Variants in WWOX observed in about 807,000 individuals in gnomAD.
WWOX encodes the protein WW domain-containing oxidoreductase.
A neutral mutation model predicts 46.2 loss-of-function variants in WWOX; 69 were observed. That is an observed-to-expected ratio of 1.49 (90% confidence interval 1.23 to 1.82). The LOEUF is 1.82. WWOX is among the 40% of genes most tolerant of loss of function. The pLI, the probability that WWOX is intolerant of heterozygous loss-of-function variation, is 0.00. For missense variants in WWOX, 919 were observed against 542.6 expected (o/e 1.69, Z -6.89); for synonymous variants, 359 against 202.6 (o/e 1.77, Z -6.56).
intron 8 of WWOX, among the ~76,000 whole-genome samples, chr16:79,007,708 C>T (rs896096576): frequency 2.6e-5 from 4 of 152,318 alleles, no homozygotes; most frequent in African/African-American, 9.6e-5. Context: ...AAGTGACTCA[C>T]CCGGTATCAT....
intron 8 of WWOX, among the ~76,000 whole-genome samples, chr16:79,067,671 G>C (rs2048468084): frequency 6.6e-6 from 1 of 151,938 alleles, no homozygotes; most frequent in South Asian, 2.1e-4. Flanking sequence ...TGCATATTAT[G>C]CTTTTGTGCA....
chr16:78,108,672 G>T (rs917640433), intron 2 of WWOX, among the ~76,000 whole-genome samples, 185 bp downstream of exon 2: 2 of 152,170 alleles, frequency 1.3e-5, no homozygotes, highest in Non-Finnish European at 2.9e-5. Context: ...GGTGGAGTGA[G>T]GATGATTTCT....
chr16:78,454,851 A>G (rs2083779101), intron 8 of WWOX, among the ~76,000 whole-genome samples: 1 of 152,116 alleles, frequency 6.6e-6, no homozygotes, highest in Admixed American at 6.5e-5. Context: ...TTTCAATACC[A>G]ACTGTTGCTT....
chr16:78,327,576 T>A (rs2080654055), intron 5 of WWOX, among the ~76,000 whole-genome samples: 2 of 152,118 alleles, frequency 1.3e-5, no homozygotes, highest in African/African-American at 4.8e-5. Context: ...GTATTAGGAT[T>A]CCCTTCACTC....
At chr16:78,712,454 A>G (rs529712826) in intron 8 of WWOX, among the ~76,000 whole-genome samples, 1 of 152,046 alleles carries the variant, frequency 6.6e-6, no homozygotes, top group East Asian at 1.9e-4. Flanking sequence ...GTCAGCCGAG[A>G]TTATACCACT....
intron 8 of WWOX, among the ~76,000 whole-genome samples, chr16:78,573,598 C>G (rs980479010): frequency 1.3e-5 from 2 of 152,306 alleles, no homozygotes; most frequent in African/African-American, 4.8e-5. Flanking sequence ...CTTGTCATTC[C>G]TTTGCCCAGT....
At chr16:78,914,315 G>C (rs2045190073) in intron 8 of WWOX, among the ~76,000 whole-genome samples, 1 of 152,020 alleles carries the variant, frequency 6.6e-6, no homozygotes, top group African/African-American at 2.4e-5. Flanking sequence ...GACCTCATCT[G>C]TCCTGTCCAC....
chr16:78,625,049 C>T (rs1411306746), intron 8 of WWOX, among the ~76,000 whole-genome samples: 1 of 152,174 alleles, frequency 6.6e-6, no homozygotes, highest in Non-Finnish European at 1.5e-5. Flanking sequence ...GAGGTGTCTT[C>T]CCTGGCACTC....
chr16:78,636,442 T>G (rs1479947508), intron 8 of WWOX, among the ~76,000 whole-genome samples: 1 of 152,196 alleles, frequency 6.6e-6, no homozygotes, highest in African/African-American at 2.4e-5. Context: ...GAATAGTTGT[T>G]GCAAATGATA....
chr16:78,721,993 C>T (rs1039135443), intron 8 of WWOX, among the ~76,000 whole-genome samples: 4 of 152,220 alleles, frequency 2.6e-5, no homozygotes, highest in Non-Finnish European at 4.4e-5. Context: ...ATTAAATTAG[C>T]ATCCAGGCAC....
chr16:78,392,007 TTC>T (rs908598919), intron 6 of WWOX, among the ~76,000 whole-genome samples: 10 of 151,680 alleles, frequency 6.6e-5, no homozygotes, highest in African/African-American at 2.4e-4. Context: ...TTTTTTTTTT[TTC>T]CTTAAAAAAA....
chr16:78,137,358 C>G (rs1418012792), intron 4 of WWOX, among the ~76,000 whole-genome samples: 1 of 152,192 alleles, frequency 6.6e-6, no homozygotes, highest in African/African-American at 2.4e-5. Flanking sequence ...GGCACAGTAT[C>G]TTTCACCCCG....
At chr16:78,671,723 T>C (rs1010338828) in intron 8 of WWOX, among the ~76,000 whole-genome samples, 7 of 152,218 alleles carry the variant, frequency 4.6e-5, no homozygotes, top group Non-Finnish European at 1.0e-4. Context: ...AATAAATAGC[T>C]ACCCTTACTA....
chr16:78,806,037 C>T (rs1010763618), intron 8 of WWOX, among the ~76,000 whole-genome samples: 2 of 152,178 alleles, frequency 1.3e-5, no homozygotes, highest in African/African-American at 2.4e-5. Flanking sequence ...TCCAAAGCCA[C>T]TTGAGGCTCT....
intron 6 of WWOX, among the ~76,000 whole-genome samples, chr16:78,417,835 G>T (rs921900970): frequency 2.0e-5 from 3 of 152,164 alleles, no homozygotes; most frequent in African/African-American, 7.2e-5. Context: ...ACCCTATGTG[G>T]AAAACAGGTG....
Position 78,795,205 on chromosome 16 carries a change from G to A in WWOX, c.1056+362453G>A, listed in dbSNP as rs568331737. Among the ~76,000 whole-genome samples the A allele has an allele frequency of 2.2e-4, 33 of 152,180 alleles. No homozygotes were observed. In the South Asian group the frequency reaches 6.2e-3, roughly 29 times the overall value. On this transcript the variant is annotated intron_variant, in intron 8 of 8. Coordinates refer to ENST00000566780, the MANE Select transcript of WWOX (RefSeq NM_016373.4). ...CCAGATATTGTGCTAAGTGCTTTGCGGGCATTATGTTATTCACACTTCACA... is the reference window on the plus strand; with the variant it reads ...CCAGATATTGTGCTAAGTGCTTTGCAGGCATTATGTTATTCACACTTCACA...
At chr16:78,974,098 G>C (rs2046525198) in intron 8 of WWOX, among the ~76,000 whole-genome samples, 1 of 152,156 alleles carries the variant, frequency 6.6e-6, no homozygotes. Flanking sequence ...AAAGTGTAAA[G>C]GACTCTCCTC....
intron 8 of WWOX, among the ~76,000 whole-genome samples, chr16:78,846,363 G>T: frequency 6.6e-6 from 1 of 152,028 alleles, no homozygotes; most frequent in East Asian, 1.9e-4. Flanking sequence ...TTTACAACCA[G>T]ATACCACCTG....
rs757657426 is a variant in WWOX, at chr16:78,386,965, A to C, written c.605+17A>C. On this transcript the variant is annotated intron_variant, in intron 6 of 8. Coordinates refer to ENST00000566780, the MANE Select transcript of WWOX (RefSeq NM_016373.4). Reference sequence around the variant, plus strand: ...CAAGAATGTGTGAGTGTTCCAGTGGAGGGTTATAGATCATAATTTCTTGCT... The same window carrying C: ...CAAGAATGTGTGAGTGTTCCAGTGGCGGGTTATAGATCATAATTTCTTGCT... 3.1e-6 allele frequency: 5 copies of C among 1,606,958 alleles called. No homozygotes were observed. The highest frequency in any genetic ancestry group is 2.6e-6 in the Non-Finnish European group (3 of 1,173,436).
Sources: allele counts gnomAD v4.1 joint callset (sites outside exome capture counted in the v4.1 genomes callset), GRCh38; gene constraint gnomAD v4.1.1; transcripts MANE v1.5; gene names NCBI Gene and HGNC (gene_info 2026-07-23, HGNC 2026-07-21).